The following OGFOD2 variants were observed in gnomAD, a reference collection of about 807,000 sequenced individuals.
The protein encoded by OGFOD2 is 2-oxoglutarate and iron-dependent oxygenase domain-containing protein 2.
In OGFOD2, 34 loss-of-function variants were observed where a neutral mutation model predicts 31.1. The ratio of observed to expected loss-of-function variants is 1.09; its 90% CI spans 0.83 to 1.45. The LOEUF is 1.45. Among genes scored for constraint, OGFOD2 ranks in the 40% most tolerant of loss-of-function variants. The pLI is 0.00. For missense variants in OGFOD2, 537 were observed against 433.9 expected (o/e 1.24, Z -2.11); for synonymous variants, 240 against 192.3 (o/e 1.25, Z -2.05).
chr12:122,978,577 A>T lies in OGFOD2; in HGVS notation c.531+8A>T. ...ACCATGAACAACTACGGGGTGGGTG[A>T]GGCCTGGCCGGTGGCAGAGGAGGGG... is the stretch of plus-strand genomic sequence containing the variant. On this transcript the variant is annotated splice_region_variant and intron_variant, in intron 5 of 6. Transcript: ENST00000228922. 1 of 1,608,698 alleles carries T rather than the reference A, an allele frequency of 6.2e-7. No individual in the cohort carries two copies. The highest frequency in any genetic ancestry group is 8.5e-7 in the Non-Finnish European group (1 of 1,176,160).
chr12:122,978,844 A>T, exon 6 of OGFOD2: 1 of 1,612,752 alleles, frequency 6.2e-7, no homozygotes, highest in Non-Finnish European at 8.5e-7. Context: ...CTGTACCCTG[A>T]CTGTGGCGGG....
At chr12:122,979,420 A>G in exon 7 of OGFOD2, 1 of 1,493,064 alleles carries the variant, frequency 6.7e-7, no homozygotes, top group Non-Finnish European at 8.9e-7. Context: ...CAGAAATAAA[A>G]TCCCCGCAGC....
chr12:122,977,732 C>T (rs760948633), intron 4 of OGFOD2: 2 of 154,248 alleles, frequency 1.3e-5, no homozygotes, highest in African/African-American at 4.8e-5. Flanking sequence ...ACAAGTTTCC[C>T]CTCATGGAGC....
intron 5 of OGFOD2, 76 bp from the exon 6 acceptor site, chr12:122,978,677 G>A (rs946509702): frequency 5.7e-6 from 9 of 1,587,044 alleles, no homozygotes; most frequent in African/African-American, 2.7e-5. Context: ...GAAGGTCACA[G>A]TGGGATCACC....
chr12:122,976,723 A>C, exon 3 of OGFOD2: 1 of 1,613,850 alleles, frequency 6.2e-7, no homozygotes. Flanking sequence ...CCTCATCGCG[A>C]GTTCCTACCA....
In OGFOD2 at chr12:122,978,229, C is replaced by A; in HGVS notation, c.404-213C>A. On this transcript the variant is annotated intron_variant, in intron 4 of 6. Coordinates refer to ENST00000228922, the Ensembl canonical transcript of OGFOD2. ...GCTCCCAGGGCCAGCCCTGTGGACA[C>A]TTGTAGAGTCTGGGGAAAGGTTCCG... The A allele has an allele frequency of 5.4e-6, 3 of 560,554 alleles. No individual in the cohort carries two copies. The South Asian group carries it at 6.1e-5, about 11-fold the overall frequency. 34.7% of individuals were successfully genotyped at this position (560,554 alleles called of 1,614,324 possible).
exon 1 of OGFOD2, chr12:122,975,263 G>T (rs2037378244): frequency 1.5e-6 from 1 of 682,462 alleles, no homozygotes; most frequent in Non-Finnish European, 2.7e-6. Context: ...TGGCGACGGT[G>T]GGGGCTCCGC....
chr12:122,978,578 G>A lies in OGFOD2; in HGVS notation c.531+9G>A, dbSNP rs771156680. The A allele has an allele frequency of 1.2e-6, 2 of 1,608,578 alleles. No homozygotes were observed. Among genetic ancestry groups the A allele is most frequent in the East Asian group, 2.2e-5 (1 of 44,718 alleles). ...CCATGAACAACTACGGGGTGGGTGAGGCCTGGCCGGTGGCAGAGGAGGGGG... is the reference window on the plus strand; with the variant it reads ...CCATGAACAACTACGGGGTGGGTGAAGCCTGGCCGGTGGCAGAGGAGGGGG... On this transcript the variant is annotated intron_variant, in intron 5 of 6. Coordinates refer to ENST00000228922, the Ensembl canonical transcript of OGFOD2.
At chr12:122,979,621 C>T (rs2037555227) in exon 7 of OGFOD2, 5 of 492,604 alleles carry the variant, frequency 1.0e-5, no homozygotes, top group Non-Finnish European at 1.8e-5. Flanking sequence ...CTCAGCTGGC[C>T]CCACGGAGAG....
upstream of OGFOD2, chr12:122,975,153 C>T (rs1413164223): frequency 4.0e-6 from 2 of 497,062 alleles, no homozygotes; most frequent in Non-Finnish European, 7.3e-6. Context: ...CCCTTGGGAA[C>T]TTAGAGCGGC....
chr12:122,977,302 T>C (rs1594097746), intron 4 of OGFOD2: 1 of 373,338 alleles, frequency 2.7e-6, no homozygotes, highest in Non-Finnish European at 5.2e-6. Context: ...GAGACAGGTA[T>C]GGGCAGGATA....
At chr12:122,979,345 G>C in exon 7 of OGFOD2, 1 of 1,598,104 alleles carries the variant, frequency 6.3e-7, no homozygotes. Context: ...GCGCTCACCT[G>C]AGCTTGCTTG....
chr12:122,976,395 G>A (rs889301786), intron 2 of OGFOD2: 2 of 1,613,860 alleles, frequency 1.2e-6, no homozygotes, highest in Non-Finnish European at 1.7e-6. Context: ...GGGCCCAGAT[G>A]GTTGAGGTAC....
chr12:122,978,996 G>C (rs1325446826), exon 6 of OGFOD2: 2 of 1,612,810 alleles, frequency 1.2e-6, no homozygotes, highest in South Asian at 1.1e-5. Flanking sequence ...CCTGTATTTT[G>C]GGGGCCTCTT....
In OGFOD2 at chr12:122,978,577, AGGC is replaced by A; in HGVS notation, c.531+9_531+11del. On this transcript the variant is annotated intron_variant, in intron 5 of 6. Coordinates refer to ENST00000228922, the Ensembl canonical transcript of OGFOD2. ...ACCATGAACAACTACGGGGTGGGTG[AGGC>A]CTGGCCGGTGGCAGAGGAGGGGGTG... is the stretch of plus-strand genomic sequence containing the variant. 6.2e-7 allele frequency: 1 copy of A among 1,608,698 alleles called. No homozygotes were observed. The highest frequency in any genetic ancestry group is 8.5e-7 in the Non-Finnish European group (1 of 1,176,160).
chr12:122,975,209 G>A (rs1258580901), upstream of OGFOD2: 2 of 566,720 alleles, frequency 3.5e-6, no homozygotes, highest in Non-Finnish European at 3.3e-6. Context: ...GGGCGTGCCC[G>A]AAGTCTCTCT....
intron 1 of OGFOD2, 161 bp downstream of exon 1, chr12:122,975,544 G>T: frequency 3.4e-6 from 2 of 595,670 alleles, no homozygotes; most frequent in Non-Finnish European, 6.0e-6. Context: ...CCGTAAAGGG[G>T]TAATAGTATC....
exon 7 of OGFOD2, chr12:122,979,145 C>T (rs2037535662): frequency 1.2e-6 from 2 of 1,608,518 alleles, no homozygotes; most frequent in South Asian, 2.2e-5. Context: ...GTGTCCTCCA[C>T]CGTGGCGGCC....
exon 7 of OGFOD2, chr12:122,979,159 T>G: frequency 6.2e-7 from 1 of 1,610,512 alleles, no homozygotes; most frequent in Non-Finnish European, 8.5e-7. Context: ...GGCGGCCAGC[T>G]GCATGGAGCC....
Sources: gnomAD v4.1 joint callset for allele counts on GRCh38, gnomAD v4.1.1 for gene constraint, MANE v1.5 for transcripts, NCBI Gene and HGNC (gene_info 2026-07-23, HGNC 2026-07-21) for gene names.